The following PKP4 variants were observed in gnomAD, a reference collection of about 807,000 sequenced individuals.
The protein encoded by PKP4 is plakophilin 4.
A neutral mutation model predicts 145.1 loss-of-function variants in PKP4; 90 were observed. The ratio of observed to expected loss-of-function variants is 0.62; its 90% confidence interval spans 0.52 to 0.74. PKP4 has a LOEUF of 0.74. PKP4 is among the 30% of genes least tolerant of loss of function. The pLI, the probability that PKP4 is intolerant of heterozygous loss-of-function variation, is 0.00. For missense variants in PKP4, 1,340 were observed against 1,482.7 expected (o/e 0.90, Z 1.58); for synonymous variants, 563 against 577.2 (o/e 0.98, Z 0.35).
rs145432680 is a variant in PKP4, at chr2:158,571,717, A to G, written c.133-5554A>G. Among the ~76,000 whole-genome samples, 15 of 152,310 alleles carry G rather than the reference A, an allele frequency of 9.8e-5. No homozygotes were observed. In the East Asian group the frequency reaches 2.3e-3, roughly 24 times the overall value. On this transcript the variant is annotated intron_variant, in intron 2 of 21. Transcript: ENST00000389759. Reference sequence around the variant, plus strand: ...CCACAGGGCACAGTTGGAAAGGGTCAGGAGATATGTCACTATGGCCATCAG... The same window carrying G: ...CCACAGGGCACAGTTGGAAAGGGTCGGGAGATATGTCACTATGGCCATCAG...
At chr2:158,482,257 A>C (rs966948792) in intron 1 of PKP4, among the ~76,000 whole-genome samples, 2 of 152,148 alleles carry the variant, frequency 1.3e-5, no homozygotes, top group African/African-American at 2.4e-5. Flanking sequence ...GCTAAGCTAG[A>C]TGTGCTATAT....
rs1043168876 is a variant in PKP4, at chr2:158,604,003, A to G, written c.280+899A>G. 7.9e-5 allele frequency among the ~76,000 whole-genome samples: 12 copies of G among 152,236 alleles called. 1 individual carries two copies. The highest frequency in any genetic ancestry group is 1.2e-4 in the African/African-American group (5 of 41,458). On this transcript the variant is annotated intron_variant, in intron 4 of 21. Transcript: ENST00000389759. ...CAAAGAAGTTCTTTCCCCCAGAAAAATAGCGTTAACTCAAACTGTTGATGA... is the reference window on the plus strand; with the variant it reads ...CAAAGAAGTTCTTTCCCCCAGAAAAGTAGCGTTAACTCAAACTGTTGATGA...
At chr2:158,655,737 G>C (rs55989952) in intron 11 of PKP4, among the ~76,000 whole-genome samples, 29,520 of 152,172 alleles carry the variant, frequency 0.19, 3,718 homozygotes, top group Middle Eastern at 0.35. Context: ...GGAATCACAT[G>C]TTATGAAACT....
At position 158,634,183 on chromosome 2, in the gene PKP4, C is replaced by G; in HGVS notation, c.1456C>G (p.Gln486Glu). 1 of 1,614,016 alleles carries G rather than the reference C, an allele frequency of 6.2e-7. No individual in the cohort carries two copies. The highest frequency in any genetic ancestry group is 8.5e-7 in the Non-Finnish European group (1 of 1,179,924). Residue 486 changes from glutamine (Q) to glutamate (E), a missense_variant, in exon 9 of 22, where the codon CAA becomes GAA. By Grantham distance (29) the Gln-to-Glu change is conservative. Coordinates refer to ENST00000389759, the MANE Select transcript of PKP4 (RefSeq NM_003628.6). ...ATYAEPYRPI[Q>E]YRVQECNYNR... ...CTACGCGGAGCCCTACAGGCCTATA[C>G]AATACCGAGTGCAAGAGTGCAATTA...
chr2:158,625,434 A>G lies in PKP4; in HGVS notation c.1153+7A>G, dbSNP rs781300721. The G allele has an allele frequency of 6.3e-7, 1 of 1,598,616 alleles. No individual in the cohort carries two copies. Among genetic ancestry groups the G allele is most frequent in the Non-Finnish European group, 8.6e-7 (1 of 1,168,890 alleles). On this transcript the variant is annotated splice_region_variant and intron_variant, in intron 7 of 21. Transcript: ENST00000389759. The stretch of plus-strand genomic sequence containing the variant: ...AGGCCAGACAGCCTGACAGGTGCGT[A>G]CAAGGTGACAGTGCTACATAAAACC...
rs748353579 is a variant in PKP4, at chr2:158,678,564, A to G, written c.3257-17A>G. 4.4e-6 allele frequency: 7 copies of G among 1,583,292 alleles called. No homozygotes were observed. Among genetic ancestry groups the G allele is most frequent in the Non-Finnish European group, 5.2e-6 (6 of 1,151,924 alleles). On this transcript the variant is annotated splice_polypyrimidine_tract_variant and intron_variant, in intron 20 of 21. Coordinates refer to ENST00000389759, the MANE Select transcript of PKP4 (RefSeq NM_003628.6). ...TAATAAGCACTAGTTTTAATTTCAT[A>G]AAATATTTTCTTACAGGCTCCAGCA... is the stretch of plus-strand genomic sequence containing the variant.
intron 1 of PKP4, among the ~76,000 whole-genome samples, chr2:158,507,479 G>C (rs192265353): frequency 6.6e-6 from 1 of 152,300 alleles, no homozygotes; most frequent in Admixed American, 6.5e-5. Context: ...GACTGTTCTA[G>C]CTAACTCTTT....
intron 4 of PKP4, among the ~76,000 whole-genome samples, chr2:158,607,024 T>C (rs1430148198): frequency 6.6e-6 from 1 of 152,214 alleles, no homozygotes; most frequent in Non-Finnish European, 1.5e-5. Flanking sequence ...ACCATCCCTA[T>C]ATATAAAATT....
At chr2:158,585,086 C>T (rs1023374599) in intron 3 of PKP4, among the ~76,000 whole-genome samples, 4 of 152,080 alleles carry the variant, frequency 2.6e-5, no homozygotes, top group African/African-American at 9.7e-5. Context: ...GGAAGTAAAG[C>T]ACAGTTTAGA....
At chr2:158,493,341 T>G (rs1695226370) in intron 1 of PKP4, among the ~76,000 whole-genome samples, 1 of 152,210 alleles carries the variant, frequency 6.6e-6, no homozygotes, top group Admixed American at 6.5e-5. Context: ...TTTCTCATCG[T>G]TTTTTAAATC....
At chr2:158,512,403 A>G (rs2105531531) in intron 1 of PKP4, among the ~76,000 whole-genome samples, 1 of 152,360 alleles carries the variant, frequency 6.6e-6, no homozygotes, top group East Asian at 1.9e-4. Flanking sequence ...GATACAGTGC[A>G]TGAGCACAGC....
intron 3 of PKP4, chr2:158,588,935 C>T (rs1260708654): frequency 6.6e-6 from 1 of 152,170 alleles, no homozygotes; most frequent in Non-Finnish European, 1.5e-5. Context: ...CAGCAAGAGA[C>T]CATTGTGCGT....
intron 12 of PKP4, chr2:158,660,533 C>T (rs572682595): frequency 1.8e-4 from 28 of 152,688 alleles, no homozygotes; most frequent in African/African-American, 4.1e-4. Context: ...GCCATTCCAC[C>T]GCCCCCTCAT....
At chr2:158,572,408 G>T (rs761043614) in intron 2 of PKP4, among the ~76,000 whole-genome samples, 2 of 152,184 alleles carry the variant, frequency 1.3e-5, no homozygotes, top group Non-Finnish European at 2.9e-5. Context: ...AGAAAGAAAA[G>T]AAATAATTCA....
intron 11 of PKP4, 52 bp from the exon 12 acceptor site, chr2:158,658,079 T>C: frequency 1.9e-6 from 2 of 1,044,380 alleles, no homozygotes; most frequent in Non-Finnish European, 1.4e-6. Context: ...TTATTTTATT[T>C]CTAAAGCCAC....
rs372849881 is a variant in PKP4 at position 158,516,662 on chromosome 2, T to C, written c.-5-16518T>C. On this transcript the variant is annotated intron_variant, in intron 1 of 21. Transcript: ENST00000389759. Reference sequence around the variant, plus strand: ...TACACTGGATTATATACTTTTCTTTTTTTTTTTTTTTTTTAAGACAGAGTT... The same window carrying C: ...TACACTGGATTATATACTTTTCTTTCTTTTTTTTTTTTTTAAGACAGAGTT... Among the ~76,000 whole-genome samples the C allele has an allele frequency of 1.4e-4, 21 of 147,714 alleles. No individual in the cohort carries two copies. The East Asian group carries it at 1.6e-3, about 11-fold the overall frequency.
At position 158,624,912 on chromosome 2, in the gene PKP4, G is replaced by T; in HGVS notation, c.638G>T (p.Ser213Ile). Residue 213 changes from serine to isoleucine, a missense_variant, in exon 7 of 22, where the codon AGT becomes ATT. Transcript: ENST00000389759. ...SVANRAMRRV[S>I]SVPSRAQSPS... ...GCCAATCGGGCCATGAGAAGAGTTA[G>T]TTCAGTTCCATCTAGAGCACAGTCT... 1 of 1,610,736 alleles carries T rather than the reference G, an allele frequency of 6.2e-7. No homozygotes were observed. Among genetic ancestry groups the T allele is most frequent in the East Asian group, 2.2e-5 (1 of 44,802 alleles).
At chr2:158,458,582 A>G (rs1443951584) in intron 1 of PKP4, among the ~76,000 whole-genome samples, 1 of 152,208 alleles carries the variant, frequency 6.6e-6, no homozygotes, top group East Asian at 1.9e-4. Context: ...AGGTTGTTAG[A>G]GTAATGAGCT....
chr2:158,495,365 A>C (rs1165502989), intron 1 of PKP4, among the ~76,000 whole-genome samples: 1 of 106,314 alleles, frequency 9.4e-6, no homozygotes. Flanking sequence ...AAAAAAAAAA[A>C]CAACAAAGCC....
Sources: allele counts gnomAD v4.1 joint callset (sites outside exome capture counted in the v4.1 genomes callset), GRCh38; gene constraint gnomAD v4.1.1; transcripts MANE v1.5; gene names NCBI Gene and HGNC (gene_info 2026-07-23, HGNC 2026-07-21).